Variants in CCDC7 observed in about 807,000 individuals in gnomAD.
CCDC7 encodes the protein coiled-coil domain-containing protein 7.
CCDC7 carries 183 observed loss-of-function variants against 196.9 expected under a neutral mutation model. The observed-to-expected ratio is 0.93, with a 90% CI of 0.82 to 1.05. The LOEUF (loss-of-function observed/expected upper bound fraction) is 1.05, where lower values mean the gene tolerates loss of function less well. Among genes scored for constraint, CCDC7 ranks in the 50% least tolerant of loss-of-function variants. The pLI, the probability that CCDC7 is intolerant of heterozygous loss-of-function variation, is 0.00. For missense variants in CCDC7, 1,540 were observed against 1,482.2 expected, an observed-to-expected ratio of 1.04 and a Z score of -0.64; for synonymous variants, 525 against 484.6, an observed-to-expected ratio of 1.08 and a Z score of -1.10.
chr10:32,630,189 G>T (rs1305360232), intron 18 of CCDC7, among the ~76,000 whole-genome samples: 1 of 152,032 alleles, frequency 6.6e-6, no homozygotes, highest in African/African-American at 2.4e-5. Flanking sequence ...TTGTCCTTGA[G>T]GGAAATCCTC....
chr10:32,451,421 G>A (rs747900923), upstream of CCDC7, among the ~76,000 whole-genome samples: 11 of 152,018 alleles, frequency 7.2e-5, no homozygotes, highest in East Asian at 1.9e-4. Context: ...ATATTTCTTC[G>A]TTTTGTTTAA....
intron 22 of CCDC7, among the ~76,000 whole-genome samples, chr10:32,686,886 C>A (rs1405613664): frequency 6.6e-6 from 1 of 152,196 alleles, no homozygotes; most frequent in Non-Finnish European, 1.5e-5. Flanking sequence ...AGGGAGTCAT[C>A]AACGTCGTAG....
chr10:32,488,998 A>G (rs925855689), intron 8 of CCDC7, among the ~76,000 whole-genome samples: 4 of 152,166 alleles, frequency 2.6e-5, no homozygotes, highest in Admixed American at 6.5e-5. Context: ...ACAGTGGCCA[A>G]GGCTGTAGGT....
chr10:32,798,240 C>T (rs947231454), intron 29 of CCDC7, among the ~76,000 whole-genome samples: 2 of 152,180 alleles, frequency 1.3e-5, no homozygotes, highest in African/African-American at 4.8e-5. Context: ...GCTGATCACC[C>T]CGAGGAATGG....
intron 24 of CCDC7, among the ~76,000 whole-genome samples, chr10:32,702,316 G>A (rs1408214576): frequency 6.6e-6 from 1 of 152,084 alleles, no homozygotes; most frequent in Non-Finnish European, 1.5e-5. Flanking sequence ...CAGTTTCCAT[G>A]TAGTTGAGCG....
At chr10:32,694,072 T>A (rs191367537) in intron 23 of CCDC7, among the ~76,000 whole-genome samples, 6 of 152,338 alleles carry the variant, frequency 3.9e-5, no homozygotes, top group Non-Finnish European at 7.4e-5. Context: ...ATATTTGTGA[T>A]TGCTTTTAAA....
chr10:32,824,343 T>A (rs2090770060), intron 31 of CCDC7, among the ~76,000 whole-genome samples, 175 bp from the exon 33 acceptor site: 1 of 152,164 alleles, frequency 6.6e-6, no homozygotes, highest in African/African-American at 2.4e-5. Flanking sequence ...CTTATATGAT[T>A]GTTAATTGTT....
intron 28 of CCDC7, among the ~76,000 whole-genome samples, chr10:32,762,844 C>T (rs1017623228): frequency 2.0e-5 from 3 of 151,638 alleles, no homozygotes; most frequent in African/African-American, 7.3e-5. Context: ...TATTTTATAA[C>T]ATTCACAAAA....
chr10:32,656,192 A>T (rs2069823854), intron 20 of CCDC7, among the ~76,000 whole-genome samples: 1 of 152,210 alleles, frequency 6.6e-6, no homozygotes, highest in South Asian at 2.1e-4. Context: ...GTTCCTCAAA[A>T]AATTAAAAAC....
At chr10:32,703,773 C>T (rs1015558548) in intron 24 of CCDC7, among the ~76,000 whole-genome samples, 1 of 151,974 alleles carries the variant, frequency 6.6e-6, no homozygotes, top group Non-Finnish European at 1.5e-5. Flanking sequence ...TTTGATCTTC[C>T]ATCACTGATA....
rs2092214956 is a variant in CCDC7, at chr10:32,831,822, C to T, written c.3269-2993C>T. Among the ~76,000 whole-genome samples, 3 of 152,074 alleles carry T rather than the reference C, an allele frequency of 2.0e-5. No homozygotes were observed. In the South Asian group the frequency reaches 6.2e-4, roughly 32 times the overall value. On this transcript the variant is annotated intron_variant, in intron 32 of 41. Coordinates refer to ENST00000639629, the Ensembl canonical transcript of CCDC7. ...GAGGGACCTGTCTGAGGCTGTTCTA[C>T]AGTTAATGTTTTTTGTAAGTAGAAG...
intron 18 of CCDC7, among the ~76,000 whole-genome samples, chr10:32,588,504 A>T (rs2059498926): frequency 6.6e-6 from 1 of 152,190 alleles, no homozygotes; most frequent in Non-Finnish European, 1.5e-5. Flanking sequence ...CTTTCCTGGG[A>T]TAAATCCTAC....
chr10:32,734,273 A>G (rs1162230107), intron 28 of CCDC7, among the ~76,000 whole-genome samples: 1 of 152,158 alleles, frequency 6.6e-6, no homozygotes, highest in African/African-American at 2.4e-5. Context: ...AAAACAGGAC[A>G]AGATCATGTC....
At chr10:32,733,132 C>T (rs570750198) in intron 28 of CCDC7, among the ~76,000 whole-genome samples, 4 of 151,852 alleles carry the variant, frequency 2.6e-5, no homozygotes, top group Non-Finnish European at 4.4e-5. Context: ...TTTTATTACT[C>T]ATATCTGTTA....
intron 25 of CCDC7, chr10:32,725,412 A>T (rs2082975499): frequency 2.1e-6 from 1 of 469,930 alleles, no homozygotes; most frequent in African/African-American, 2.0e-5. Flanking sequence ...TTTATTAGTT[A>T]CATGGATTAG....
intron 41 of CCDC7, among the ~76,000 whole-genome samples, chr10:32,864,403 C>T (rs10827146): frequency 0.14 from 21,048 of 151,324 alleles, 1,750 homozygotes; most frequent in East Asian, 0.25. Context: ...TTATAATTGT[C>T]GGCTACTTAT....
intron 11 of CCDC7, among the ~76,000 whole-genome samples, chr10:32,530,571 G>A (rs1053451638): frequency 6.6e-6 from 1 of 151,860 alleles, no homozygotes; most frequent in Admixed American, 6.6e-5. Flanking sequence ...AAGTGAAATG[G>A]TATATAATTG....
chr10:32,559,056 C>T (rs7101253), intron 13 of CCDC7, among the ~76,000 whole-genome samples: 20,358 of 152,246 alleles, frequency 0.13, 1,608 homozygotes, highest in African/African-American at 0.22. Flanking sequence ...CACGGAGTCT[C>T]GCTGATTGCT....
At chr10:32,531,031 G>A (rs890694184) in intron 11 of CCDC7, among the ~76,000 whole-genome samples, 1 of 152,130 alleles carries the variant, frequency 6.6e-6, no homozygotes, top group African/African-American at 2.4e-5. Flanking sequence ...TTTTCTTCCT[G>A]ATTCTGTTAA....
Sources: gnomAD v4.1 joint callset for allele counts (sites outside exome capture counted in the v4.1 genomes callset) on GRCh38, gnomAD v4.1.1 for gene constraint, MANE v1.5 for transcripts, NCBI Gene and HGNC (gene_info 2026-07-23, HGNC 2026-07-21) for gene names.